The following CDKL3 variants were observed in gnomAD, a reference collection of about 807,000 sequenced individuals.
CDKL3 encodes the protein cyclin-dependent kinase-like 3.
A neutral mutation model predicts 69.3 loss-of-function variants in CDKL3; 65 were observed. That is an observed-to-expected ratio of 0.94 (90% CI 0.77 to 1.15). The LOEUF (loss-of-function observed/expected upper bound fraction) is 1.15, where lower values mean the gene tolerates loss of function less well. Ranked by LOEUF, CDKL3 falls within the 50% of genes most tolerant of loss-of-function variation. The pLI, the probability that CDKL3 is intolerant of heterozygous loss-of-function variation, is 0.00. For synonymous variants in CDKL3, 202 were observed against 221.6 expected (o/e 0.91, Z 0.79); for missense variants, 652 against 689.2 (o/e 0.95, Z 0.61).
At chr5:134,325,392 T>C (rs2149499102) in intron 4 of CDKL3, among the ~76,000 whole-genome samples, 1 of 152,382 alleles carries the variant, frequency 6.6e-6, no homozygotes, top group Non-Finnish European at 1.5e-5. Context: ...TAGTAACTTA[T>C]AAGCTTGCTT....
At chr5:134,297,929 T>C (rs1561487782), downstream of CDKL3, among the ~76,000 whole-genome samples, 1 of 148,286 alleles carries the variant, frequency 6.7e-6, no homozygotes. Flanking sequence ...TGTGTGTGTG[T>C]GTGTGTGTGT....
At chr5:134,367,803 G>A (rs1400247011), upstream of CDKL3, among the ~76,000 whole-genome samples, 2 of 152,308 alleles carry the variant, frequency 1.3e-5, no homozygotes, top group Non-Finnish European at 2.9e-5. Flanking sequence ...AGGAAAGCAA[G>A]TAATTCGAAG....
chr5:134,351,961 G>C (rs1182475487), intron 3 of CDKL3, among the ~76,000 whole-genome samples: 1 of 151,994 alleles, frequency 6.6e-6, no homozygotes, highest in Non-Finnish European at 1.5e-5. Flanking sequence ...TTATTAACTA[G>C]TTACCATTTT....
At position 134,347,640 on chromosome 5, in the gene CDKL3, C is replaced by T. The variant is rs550034703; in HGVS notation, c.539+2609G>A. Reference sequence around the variant, plus strand: ...ATCCCAGCATTTTGAGAGGCCGAGGCGAGCAGATCACTTGAGGTAGGGAGT... The same window carrying T: ...ATCCCAGCATTTTGAGAGGCCGAGGTGAGCAGATCACTTGAGGTAGGGAGT... On this transcript the variant is annotated intron_variant, in intron 4 of 12. Transcript: ENST00000265334. Among the ~76,000 whole-genome samples, 20 of 137,010 alleles carry T rather than the reference C, an allele frequency of 1.5e-4. No homozygotes were observed. The South Asian group carries it at 3.6e-3, about 25-fold the overall frequency. 89.9% of individuals were successfully genotyped at this position (137,010 alleles called of 152,430 possible).
At position 134,302,671 on chromosome 5, in the gene CDKL3, C is replaced by T. The variant is rs1055357357; in HGVS notation, c.1638G>A (p.Met546Ile). 3 of 1,589,842 alleles carry T rather than the reference C, an allele frequency of 1.9e-6. No homozygotes were observed. Among genetic ancestry groups the T allele is most frequent in the African/African-American group, 2.7e-5 (2 of 74,230 alleles). Residue 546 changes from methionine (M) to isoleucine (I), a missense_variant, in exon 12 of 13, where the codon ATG becomes ATA. By Grantham distance (10) the Met-to-Ile change is conservative. Transcript: ENST00000265334. ...CTGTTTTCTTTGACTCCCTCTTCAG[C>T]ATTTTTATCTGTTTAACTTTTGCAA... Reference protein sequence around the residue: ...TKGMEVKQIKMLKRESKKTES... With the variant: ...TKGMEVKQIKILKRESKKTES...
At chr5:134,309,976 A>G (rs925711390) in intron 7 of CDKL3, among the ~76,000 whole-genome samples, 3 of 151,936 alleles carry the variant, frequency 2.0e-5, no homozygotes, top group African/African-American at 7.3e-5. Flanking sequence ...GACTACAGGT[A>G]TACACCAACA....
intron 12 of CDKL3, among the ~76,000 whole-genome samples, chr5:134,300,762 T>C (rs751030034): frequency 5.3e-5 from 8 of 152,108 alleles, no homozygotes; most frequent in Non-Finnish European, 8.8e-5. Flanking sequence ...CAGAGTTCCT[T>C]TTTTCCTGGA....
intron 11 of CDKL3, 91 bp downstream of exon 11, chr5:134,304,314 C>A (rs1477742595): frequency 9.5e-7 from 1 of 1,047,180 alleles, no homozygotes. Context: ...CTATTTTCTA[C>A]CTAAATCACA....
intron 3 of CDKL3, among the ~76,000 whole-genome samples, chr5:134,351,848 T>C (rs914613115): frequency 2.0e-5 from 3 of 152,232 alleles, no homozygotes; most frequent in African/African-American, 7.2e-5. Flanking sequence ...GTATACATTG[T>C]AAAATTAGTT....
At chr5:134,369,044 G>T (rs961366982), upstream of CDKL3, among the ~76,000 whole-genome samples, 1 of 152,086 alleles carries the variant, frequency 6.6e-6, no homozygotes, top group Non-Finnish European at 1.5e-5. Flanking sequence ...AAAAAAATTT[G>T]CCCAGGACAA....
At chr5:134,371,503 G>A (rs1167854849), upstream of CDKL3, 8 of 1,498,254 alleles carry the variant, frequency 5.3e-6, no homozygotes, top group South Asian at 1.2e-5. Context: ...GGCGGCGGCG[G>A]CGATCCACAG....
rs767471719 is a variant in CDKL3, at chr5:134,319,481, G to C, written c.669C>G (p.His223Gln). ...IVLKVGNLSPHLQNIFSKSPI... is the reference protein window; with the variant it reads ...IVLKVGNLSPQLQNIFSKSPI... ...GGCTCTTGGAAAAGATATTCTGCAA[G>C]TGAGGTGACAAATTGCCTGAAAAGA... is the stretch of plus-strand genomic sequence containing the variant. Residue 223 changes from histidine to glutamine, a missense_variant, in exon 6 of 13, where the codon CAC becomes CAG. Physicochemically the swap from His to Gln is conservative, Grantham distance 24. Transcript: ENST00000265334. The C allele has an allele frequency of 1.3e-6, 2 of 1,529,532 alleles. No homozygotes were observed. Among genetic ancestry groups the C allele is most frequent in the South Asian group, 2.6e-5 (2 of 78,282 alleles). 94.7% of individuals were successfully genotyped at this position (1,529,532 alleles called of 1,614,324 possible). A position where few individuals can be genotyped will look rare whatever the true frequency, so the allele number is the denominator to read the frequency against.
upstream of CDKL3, chr5:134,371,508 C>T (rs1758406361): frequency 4.6e-6 from 7 of 1,519,688 alleles, no homozygotes; most frequent in Non-Finnish European, 6.2e-6. Flanking sequence ...CGGCGGCGAT[C>T]CACAGTGATT....
At chr5:134,299,032 C>G (rs893461903) in intron 12 of CDKL3, among the ~76,000 whole-genome samples, 1 of 152,076 alleles carries the variant, frequency 6.6e-6, no homozygotes, top group Non-Finnish European at 1.5e-5. Context: ...GCCACAATGT[C>G]CGGCTAATTT....
At chr5:134,359,527 G>C (rs902359618) in intron 3 of CDKL3, among the ~76,000 whole-genome samples, 1 of 151,960 alleles carries the variant, frequency 6.6e-6, no homozygotes, top group Non-Finnish European at 1.5e-5. Flanking sequence ...TTGTGAGGCG[G>C]AGTCTTGCTA....
chr5:134,297,828 C>T (rs559931816), downstream of CDKL3, among the ~76,000 whole-genome samples: 78 of 150,126 alleles, frequency 5.2e-4, no homozygotes, highest in South Asian at 6.8e-3. Flanking sequence ...GTGATCTGCC[C>T]ACCTCAGCCT....
At chr5:134,348,733 C>G (rs991958689) in intron 4 of CDKL3, among the ~76,000 whole-genome samples, 3 of 152,092 alleles carry the variant, frequency 2.0e-5, no homozygotes, top group Non-Finnish European at 4.4e-5. Context: ...GAGGGTAAAA[C>G]TGAGACAGAG....
At chr5:134,321,996 G>A in intron 4 of CDKL3, 93 bp from the exon 5 acceptor site, 1 of 701,620 alleles carries the variant, frequency 1.4e-6, no homozygotes. Flanking sequence ...CAAGGCTAAA[G>A]AAACAAGTAG....
intron 3 of CDKL3, among the ~76,000 whole-genome samples, chr5:134,350,839 AAAAAAGAAAAAAAG>A (rs1753104524): frequency 6.7e-6 from 1 of 149,466 alleles, no homozygotes; most frequent in African/African-American, 2.5e-5. Flanking sequence ...AAGAAAAAAA[AAAAAAGAAAAAAAG>A]AAAGAAAAAA....
Sources: gnomAD v4.1 joint callset for allele counts (sites outside exome capture counted in the v4.1 genomes callset) on GRCh38, gnomAD v4.1.1 for gene constraint, MANE v1.5 for transcripts, NCBI Gene and HGNC (gene_info 2026-07-23, HGNC 2026-07-21) for gene names.